Variants in CNTN1 observed in about 807,000 individuals in gnomAD.
CNTN1 encodes the protein contactin-1.
A neutral mutation model predicts 126.4 loss-of-function variants in CNTN1; 38 were observed. The observed-to-expected ratio is 0.30, with a 90% CI of 0.23 to 0.39. The LOEUF (loss-of-function observed/expected upper bound fraction) is 0.39, where lower values mean the gene tolerates loss of function less well. CNTN1 is among the 10% of genes least tolerant of loss of function. The probability of loss-of-function intolerance (pLI) is 1.00; values close to 1 mark genes in which losing one functional copy is unlikely to be tolerated. For synonymous variants in CNTN1, 413 were observed against 422.6 expected, an observed-to-expected ratio of 0.98 and a Z score of 0.28; for missense variants, 1,009 against 1,248.4, an observed-to-expected ratio of 0.81 and a Z score of 2.89.
At chr12:40,969,550 C>T (rs1198556122) in intron 15 of CNTN1, among the ~76,000 whole-genome samples, 1 of 152,176 alleles carries the variant, frequency 6.6e-6, no homozygotes, top group South Asian at 2.1e-4. Flanking sequence ...TTTAACTGTA[C>T]ACTATACTCT....
At chr12:40,870,315 C>T (rs999614966) in intron 1 of CNTN1, among the ~76,000 whole-genome samples, 1 of 152,014 alleles carries the variant, frequency 6.6e-6, no homozygotes, top group Non-Finnish European at 1.5e-5. Context: ...GAAAATGGGA[C>T]TACTCATGGC....
chr12:40,789,337 T>TCTTTCACC (rs1348037704), intron 1 of CNTN1, among the ~76,000 whole-genome samples: 1 of 152,096 alleles, frequency 6.6e-6, no homozygotes, highest in East Asian at 1.9e-4. Flanking sequence ...TGGGTTCCCT[T>TCTTTCACC]CTTTCTCAGA....
intron 15 of CNTN1, 22 bp from the exon 16 acceptor site, chr12:40,980,887 A>G: frequency 6.2e-7 from 1 of 1,611,970 alleles, no homozygotes; most frequent in Non-Finnish European, 8.5e-7. Context: ...TCACTGATTC[A>G]TTACCCACAT....
chr12:40,710,706 TA>T (rs1376559584), intron 1 of CNTN1, among the ~76,000 whole-genome samples: 1 of 152,186 alleles, frequency 6.6e-6, no homozygotes, highest in African/African-American at 2.4e-5. Flanking sequence ...TCATTTAAGA[TA>T]TTTTTTGAGT....
chr12:40,955,887 A>G (rs1946860772), intron 14 of CNTN1, among the ~76,000 whole-genome samples: 1 of 152,082 alleles, frequency 6.6e-6, no homozygotes, highest in African/African-American at 2.4e-5. Flanking sequence ...AGGTGGGGCA[A>G]TCCAGGCAAT....
chr12:40,943,092 G>A (rs968199803), intron 12 of CNTN1, among the ~76,000 whole-genome samples: 3 of 152,110 alleles, frequency 2.0e-5, no homozygotes, highest in Admixed American at 6.6e-5. Context: ...GGAAATATGT[G>A]TAGTATGAAA....
At chr12:40,975,912 G>C (rs1218398495) in intron 15 of CNTN1, among the ~76,000 whole-genome samples, 1 of 152,102 alleles carries the variant, frequency 6.6e-6, no homozygotes, top group Non-Finnish European at 1.5e-5. Flanking sequence ...GCATTTGAAA[G>C]AATCAGGAAA....
intron 1 of CNTN1, among the ~76,000 whole-genome samples, chr12:40,760,777 G>C (rs188503479): frequency 3.1e-4 from 47 of 151,354 alleles, no homozygotes; most frequent in African/African-American, 1.1e-3. Context: ...TCCCCTTATA[G>C]GTGACAACTT....
intron 15 of CNTN1, among the ~76,000 whole-genome samples, chr12:40,966,804 T>G (rs1947323430): frequency 6.6e-6 from 1 of 152,170 alleles, no homozygotes; most frequent in Non-Finnish European, 1.5e-5. Context: ...GATGAACACT[T>G]CATCTTACAA....
chr12:40,964,854 T>C (rs150596566), intron 15 of CNTN1, among the ~76,000 whole-genome samples: 1 of 152,226 alleles, frequency 6.6e-6, no homozygotes, highest in East Asian at 1.9e-4. Context: ...TAAAGTACTA[T>C]AATAGTTGCC....
At chr12:40,875,018 C>G (rs1003631718) in intron 1 of CNTN1, among the ~76,000 whole-genome samples, 8 of 152,042 alleles carry the variant, frequency 5.3e-5, no homozygotes, top group Non-Finnish European at 1.0e-4. Context: ...ACCACATGTG[C>G]CTTTGGGCAC....
chr12:40,861,217 GT>G (rs988312834), intron 1 of CNTN1, among the ~76,000 whole-genome samples: 4 of 152,016 alleles, frequency 2.6e-5, no homozygotes, highest in Admixed American at 2.6e-4. Flanking sequence ...TCCATGTTAA[GT>G]TTTTTTCTCT....
In CNTN1 at chr12:40,830,791, GTATATATATATATATATATATATA is replaced by G. The variant is rs10592423; in HGVS notation, c.-76-77545_-76-77522del. Among the ~76,000 whole-genome samples the G allele has an allele frequency of 5.7e-4, 43 of 75,822 alleles. 1 individual carries two copies. The highest frequency in any genetic ancestry group is 1.8e-3 in the East Asian group (4 of 2,252). 49.7% of individuals were successfully genotyped at this position (75,822 alleles called of 152,430 possible). A position where few individuals can be genotyped will look rare whatever the true frequency, so the allele number is the denominator to read the frequency against. On this transcript the variant is annotated intron_variant, in intron 1 of 23. Coordinates refer to ENST00000551295, the MANE Select transcript of CNTN1 (RefSeq NM_001843.4). ...TTGAGAGAGAGGGAGAAAGTATAGTGTATATATATATATATATATATATATATATATATATATATATATACTCTT... is the reference window on the plus strand; with the variant it reads ...TTGAGAGAGAGGGAGAAAGTATAGTGTATATATATATATATATATACTCTT...
At chr12:40,945,195 T>G (rs1406072295) in intron 14 of CNTN1, among the ~76,000 whole-genome samples, 1 of 152,098 alleles carries the variant, frequency 6.6e-6, no homozygotes, top group Admixed American at 6.6e-5. Flanking sequence ...AATTGAGAAT[T>G]GGCAGAGAAC....
intron 1 of CNTN1, among the ~76,000 whole-genome samples, chr12:40,752,108 A>C (rs193162978): frequency 5.3e-5 from 8 of 152,214 alleles, no homozygotes; most frequent in Non-Finnish European, 1.5e-5. Flanking sequence ...TAACAAAATA[A>C]ATTTGGAATA....
At chr12:40,863,531 C>T (rs370781634) in intron 1 of CNTN1, among the ~76,000 whole-genome samples, 1 of 152,154 alleles carries the variant, frequency 6.6e-6, no homozygotes, top group Non-Finnish European at 1.5e-5. Flanking sequence ...CTAAGGATTC[C>T]CTGTAGTAGG....
chr12:40,860,164 T>C (rs527317736), intron 1 of CNTN1, among the ~76,000 whole-genome samples: 1 of 152,264 alleles, frequency 6.6e-6, no homozygotes, highest in Admixed American at 6.5e-5. Flanking sequence ...TTTATAAACA[T>C]ATATTGCATA....
chr12:40,789,866 A>G (rs1565738660), intron 1 of CNTN1, among the ~76,000 whole-genome samples: 1 of 152,116 alleles, frequency 6.6e-6, no homozygotes, highest in Non-Finnish European at 1.5e-5. Flanking sequence ...TCATTTTTGT[A>G]AAATTTCCAT....
intron 23 of CNTN1, among the ~76,000 whole-genome samples, chr12:41,054,806 G>T (rs183854182): frequency 3.6e-3 from 544 of 152,104 alleles, no homozygotes; most frequent in Non-Finnish European, 6.2e-3. Context: ...CAAATTTGAT[G>T]AATTTTCATT....
Sources: allele counts gnomAD v4.1 joint callset (sites outside exome capture counted in the v4.1 genomes callset), GRCh38; gene constraint gnomAD v4.1.1; transcripts MANE v1.5; gene names NCBI Gene and HGNC (gene_info 2026-07-23, HGNC 2026-07-21).